The following GLIS3 variants were observed in gnomAD, a reference collection of about 807,000 sequenced individuals.
GLIS3 encodes GLIS family zinc finger 3.
Under a neutral mutation model 78.6 loss-of-function variants are expected in GLIS3, and 53 were observed. That is an observed-to-expected ratio of 0.67 (90% CI 0.54 to 0.85). The LOEUF (loss-of-function observed/expected upper bound fraction) is 0.85, where lower values mean the gene tolerates loss of function less well. GLIS3 is among the 40% of genes least tolerant of loss of function. The probability of loss-of-function intolerance (pLI) is 0.00; values close to 1 mark genes in which losing one functional copy is unlikely to be tolerated. For missense variants in GLIS3, 1,703 were observed against 1,231.1 expected, an observed-to-expected ratio of 1.38 and a Z score of -5.74; for synonymous variants, 684 against 509.9, an observed-to-expected ratio of 1.34 and a Z score of -4.60.
chr9:4,326,651 C>T (rs888125922), intron 2 of GLIS3, among the ~76,000 whole-genome samples: 4 of 151,862 alleles, frequency 2.6e-5, no homozygotes, highest in Non-Finnish European at 5.9e-5. Context: ...ATGTTCTTAA[C>T]GTCATGAAAC....
At chr9:4,455,855 G>A in the GLIS3 span, among the ~76,000 whole-genome samples, 3 of 152,036 alleles carry the variant, frequency 2.0e-5, no homozygotes, top group Admixed American at 6.6e-5. Flanking sequence ...GCTCACACCT[G>A]TAATCCTCAC....
intron 2 of GLIS3, among the ~76,000 whole-genome samples, chr9:4,132,571 C>A (rs1431594461): frequency 6.6e-6 from 1 of 152,064 alleles, no homozygotes; most frequent in East Asian, 1.9e-4. Flanking sequence ...TGTTCGTTAT[C>A]TGACACTTAT....
At position 4,308,155 on chromosome 9, in the gene GLIS3, G is replaced by A. The variant is rs1256574290; in HGVS notation, n.584+622C>T. Reference sequence around the variant, plus strand: ...TTCTCCAGGAGCATTGTGGCTTGGTGTCACGACCTATCTGAAAGCCTTAAC... The same window carrying A: ...TTCTCCAGGAGCATTGTGGCTTGGTATCACGACCTATCTGAAAGCCTTAAC... On this transcript the variant is annotated intron_variant and non_coding_transcript_variant, in intron 4 of 4. Coordinates refer to the GLIS3 transcript ENST00000471664. 2.0e-5 allele frequency among the ~76,000 whole-genome samples: 3 copies of A among 152,168 alleles called. No individual in the cohort carries two copies. The East Asian group carries it at 5.8e-4, about 29-fold the overall frequency.
intron 4 of GLIS3, among the ~76,000 whole-genome samples, chr9:4,057,705 C>T (rs933578081): frequency 1.9e-5 from 2 of 105,488 alleles, no homozygotes; most frequent in African/African-American, 5.0e-5. Context: ...AAGAATGCAG[C>T]TAGGAAAAAA....
intron 4 of GLIS3, among the ~76,000 whole-genome samples, chr9:4,103,072 G>A (rs1263887060): frequency 6.6e-6 from 1 of 152,066 alleles, no homozygotes; most frequent in Non-Finnish European, 1.5e-5. Flanking sequence ...AAGTTTTATT[G>A]CCATAGACAT....
chr9:4,134,948 C>T (rs1833287998), intron 2 of GLIS3, among the ~76,000 whole-genome samples: 1 of 152,110 alleles, frequency 6.6e-6, no homozygotes, highest in African/African-American at 2.4e-5. Context: ...GATAAGATGG[C>T]CTAATTCTAC....
chr9:4,370,448 G>C, the GLIS3 span, among the ~76,000 whole-genome samples: 2 of 151,954 alleles, frequency 1.3e-5, no homozygotes, highest in African/African-American at 4.8e-5. Context: ...GTAAATATAG[G>C]ACTTCATCTC....
At chr9:4,030,513 C>A (rs1823743818) in intron 4 of GLIS3, among the ~76,000 whole-genome samples, 1 of 152,140 alleles carries the variant, frequency 6.6e-6, no homozygotes, top group African/African-American at 2.4e-5. Context: ...AAATCTCTGC[C>A]AAGACCAATG....
the GLIS3 span, among the ~76,000 whole-genome samples, chr9:4,373,857 G>A: frequency 2.0e-5 from 3 of 152,014 alleles, no homozygotes; most frequent in South Asian, 4.2e-4. Flanking sequence ...TAGTAGAGAC[G>A]GGGTTTTACC....
chr9:4,344,653 GAATT>G (rs1220119753), intron 2 of GLIS3, among the ~76,000 whole-genome samples: 1 of 152,118 alleles, frequency 6.6e-6, no homozygotes, highest in East Asian at 1.9e-4. Flanking sequence ...GTGAATTTTA[GAATT>G]AAATATCTAA....
chr9:3,921,384 C>G (rs1824877525), intron 6 of GLIS3, among the ~76,000 whole-genome samples: 1 of 152,164 alleles, frequency 6.6e-6, no homozygotes, highest in African/African-American at 2.4e-5. Flanking sequence ...AGCATGGGAA[C>G]CGGAAGCTCA....
the GLIS3 span, among the ~76,000 whole-genome samples, chr9:4,382,214 A>T: frequency 3.3e-5 from 5 of 152,202 alleles, no homozygotes; most frequent in Non-Finnish European, 7.3e-5. Flanking sequence ...TGAATGACAC[A>T]TCTGGAAAAA....
the GLIS3 span, among the ~76,000 whole-genome samples, chr9:4,468,878 T>C: frequency 2.0e-5 from 3 of 152,182 alleles, no homozygotes; most frequent in East Asian, 5.8e-4. Context: ...CAGTGTGCTG[T>C]ATTCAGGAGA....
At chr9:4,261,779 C>T (rs2130024054) in intron 2 of GLIS3, among the ~76,000 whole-genome samples, 1 of 152,274 alleles carries the variant, frequency 6.6e-6, no homozygotes, top group African/African-American at 2.4e-5. Context: ...GCGGCACTGC[C>T]TCACAAACCC....
chr9:4,295,472 T>G (rs907116129), intron 1 of GLIS3, among the ~76,000 whole-genome samples: 12 of 152,330 alleles, frequency 7.9e-5, no homozygotes, highest in Non-Finnish European at 1.3e-4. Flanking sequence ...TCCAAATTAT[T>G]TGACCTAATA....
intron 2 of GLIS3, among the ~76,000 whole-genome samples, chr9:4,245,585 G>C (rs1306615013): frequency 6.6e-6 from 1 of 152,198 alleles, no homozygotes; most frequent in African/African-American, 2.4e-5. Context: ...TCTTAAATGA[G>C]TGAGTAAAGA....
intron 2 of GLIS3, among the ~76,000 whole-genome samples, chr9:4,277,493 G>A (rs10120609): frequency 6.6e-6 from 1 of 152,164 alleles, no homozygotes; most frequent in Non-Finnish European, 1.5e-5. Context: ...CTTTACAAGA[G>A]ACACCAACCT....
chr9:4,219,993 G>GTGGT (rs1183797717), intron 2 of GLIS3, among the ~76,000 whole-genome samples: 1 of 152,216 alleles, frequency 6.6e-6, no homozygotes, highest in Non-Finnish European at 1.5e-5. Flanking sequence ...CAAGAAAGCA[G>GTGGT]TGGATGAGCT....
At chr9:4,462,682 T>C in the GLIS3 span, among the ~76,000 whole-genome samples, 1 of 151,944 alleles carries the variant, frequency 6.6e-6, no homozygotes. Flanking sequence ...GTGTGTTGTA[T>C]GTCTGTAGTC....
Sources: gnomAD v4.1 joint callset for allele counts (sites outside exome capture counted in the v4.1 genomes callset) on GRCh38, gnomAD v4.1.1 for gene constraint, MANE v1.5 for transcripts, NCBI Gene and HGNC (gene_info 2026-07-23, HGNC 2026-07-21) for gene names.